The following HAVCR2 variants were observed in gnomAD, a reference collection of about 807,000 sequenced individuals.
HAVCR2 encodes the protein T cell immunoglobulin mucin 3.
HAVCR2 carries 13 observed loss-of-function variants against 24.7 expected under a neutral mutation model. The observed-to-expected ratio is 0.53, with a 90% CI of 0.34 to 0.84. The LOEUF (loss-of-function observed/expected upper bound fraction) is 0.84. HAVCR2 is among the 40% of genes least tolerant of loss of function. The probability of loss-of-function intolerance (pLI) is 0.01; values close to 1 mark genes in which losing one functional copy is unlikely to be tolerated. For synonymous variants in HAVCR2, 154 were observed against 143.4 expected, an observed-to-expected ratio of 1.07 and a Z score of -0.53; for missense variants, 343 against 371.2, an observed-to-expected ratio of 0.92 and a Z score of 0.62.
intron 5 of HAVCR2, 152 bp downstream of exon 5, chr5:157,095,154 A>C (rs1031761877): frequency 9.3e-5 from 68 of 728,828 alleles, no homozygotes; most frequent in Non-Finnish European, 1.3e-4. Context: ...TTAAATAAAA[A>C]TTAGCCATTA....
intron 4 of HAVCR2, among the ~76,000 whole-genome samples, chr5:157,098,633 G>T (rs1010955757): frequency 6.6e-6 from 1 of 152,152 alleles, no homozygotes; most frequent in Non-Finnish European, 1.5e-5. Flanking sequence ...TGGTTTTCAA[G>T]CTCTTACTAT....
chr5:157,094,055 T>C (rs1757055447), intron 5 of HAVCR2, among the ~76,000 whole-genome samples: 2 of 151,754 alleles, frequency 1.3e-5, no homozygotes, highest in South Asian at 4.2e-4. Context: ...TTTTTTTTTT[T>C]TTTGGAGACT....
chr5:157,108,509 G>T (rs1432176103), intron 1 of HAVCR2, among the ~76,000 whole-genome samples: 1 of 150,882 alleles, frequency 6.6e-6, no homozygotes, highest in African/African-American at 2.4e-5. Context: ...GAAAAAGAAA[G>T]AAAAGAAAAA....
At chr5:157,094,286 C>T (rs1052075379) in intron 5 of HAVCR2, among the ~76,000 whole-genome samples, 2 of 152,048 alleles carry the variant, frequency 1.3e-5, no homozygotes, top group African/African-American at 4.8e-5. Context: ...CTCAACTGAT[C>T]CTCTCACCTC....
rs532112392 is a variant in HAVCR2 at position 157,085,921 on chromosome 5, C to A, written c.*1181G>T. ...CAACAATAAGCAAGACAGATCAAGC[C>A]TATACCGTCTTGAAATTTAAGTTTA... On this transcript the variant is annotated 3_prime_UTR_variant, in exon 7 of 7. Transcript: ENST00000307851. The A allele has an allele frequency of 3.7e-4, 57 of 152,296 alleles. No homozygotes were observed. The highest frequency in any genetic ancestry group is 1.4e-3 in the African/African-American group (57 of 41,558). The allele number at this position is 152,296 out of a possible 1,614,324, so 9.4% of individuals were successfully genotyped here.
In HAVCR2 at chr5:157,087,230, A is replaced by G. The variant is rs1756926113; in HGVS notation, c.778T>C (p.Ser260Pro). 1 of 1,613,864 alleles carries G rather than the reference A, an allele frequency of 6.2e-7. No homozygotes were observed. The highest frequency in any genetic ancestry group is 8.5e-7 in the Non-Finnish European group (1 of 1,179,978). Residue 260 changes from serine to proline, a missense_variant, in exon 7 of 7, where the codon TCA (serine) becomes CCA (proline). Ser to Pro is a moderately conservative substitution (Grantham distance 74, BLOSUM62 -1). Transcript: ENST00000307851. ...LANAVAEGIR[S>P]EENIYTIEEN... ...TCAATGGTATAGATGTTTTCTTCTG[A>G]GCGAATTCCCTCTGCTACTGCATTT... is the stretch of plus-strand genomic sequence containing the variant.
At chr5:157,108,845 T>A (rs1411896363) in intron 1 of HAVCR2, 81 bp downstream of exon 1, 95 of 1,376,050 alleles carry the variant, frequency 6.9e-5, no homozygotes, top group Non-Finnish European at 9.3e-5. Flanking sequence ...CAAACAACAT[T>A]ACAATGGCCA....
At chr5:157,104,071 T>C (rs1301146253) in intron 3 of HAVCR2, among the ~76,000 whole-genome samples, 35 of 151,946 alleles carry the variant, frequency 2.3e-4, no homozygotes, top group Admixed American at 2.3e-3. Flanking sequence ...CTCCAGAGAG[T>C]TTAGAAGAGA....
intron 6 of HAVCR2, 102 bp from the exon 7 acceptor site, chr5:157,087,396 T>C (rs1388363381): frequency 5.5e-6 from 5 of 917,272 alleles, no homozygotes; most frequent in African/African-American, 3.4e-5. Context: ...CTAAATATAG[T>C]GCATGATCTT....
chr5:157,099,009 C>G (rs1757133027), intron 3 of HAVCR2, 108 bp from the exon 4 acceptor site: 59 of 961,814 alleles, frequency 6.1e-5, no homozygotes, highest in Non-Finnish European at 8.9e-5. Flanking sequence ...GCCTATAATC[C>G]TATTTGAAAT....
At chr5:157,090,061 G>A (rs1467705110) in intron 5 of HAVCR2, among the ~76,000 whole-genome samples, 5 of 150,700 alleles carry the variant, frequency 3.3e-5, no homozygotes, top group Non-Finnish European at 5.9e-5. Flanking sequence ...GTCTTTCAAG[G>A]TGTCTTCTGG....
chr5:157,098,406 TAA>T (rs70984442), intron 4 of HAVCR2, among the ~76,000 whole-genome samples: 35 of 138,302 alleles, frequency 2.5e-4, no homozygotes, highest in African/African-American at 8.6e-4. Context: ...AAATTCTGTC[TAA>T]AAAAAAAAAA....
rs2113697510 is a variant in HAVCR2 at position 157,108,941 on chromosome 5, G to A, written c.43C>T (p.Leu15=). The A allele has an allele frequency of 6.2e-7, 1 of 1,613,896 alleles. No homozygotes were observed. The highest frequency in any genetic ancestry group is 8.5e-7 in the Non-Finnish European group (1 of 1,179,772). Residue 15 remains leucine (L), a synonymous_variant, in exon 1 of 7, where the codon CTG becomes TTG. Coordinates refer to ENST00000307851, the MANE Select transcript of HAVCR2 (RefSeq NM_032782.5). The part of the protein sequence containing the change: ...LPFDCVLLLL[L]LLLTRSSEVE... ...CGAGACTTACTTGTAAGTAGTAGCA[G>A]CAGCAGCAGCAGGACACAGTCAAAG...
At chr5:157,108,102 T>C (rs1757278301) in intron 1 of HAVCR2, among the ~76,000 whole-genome samples, 1 of 152,000 alleles carries the variant, frequency 6.6e-6, no homozygotes, top group Non-Finnish European at 1.5e-5. Context: ...AAAACATTCA[T>C]TATATATTTT....
chr5:157,093,220 A>G lies in HAVCR2; in HGVS notation c.676+2086T>C, dbSNP rs548512350. ...CTTTTTCTGAATAATCCATTTAACC[A>G]TAATCGCAGAAACCATAAAGATGAG... On this transcript the variant is annotated intron_variant, in intron 5 of 6. Coordinates refer to ENST00000307851, the MANE Select transcript of HAVCR2 (RefSeq NM_032782.5). Among the ~76,000 whole-genome samples, 8 of 152,118 alleles carry G rather than the reference A, an allele frequency of 5.3e-5. No homozygotes were observed. In the East Asian group the frequency reaches 1.5e-3, roughly 29 times the overall value.
intron 5 of HAVCR2, among the ~76,000 whole-genome samples, chr5:157,093,619 G>T (rs541299125): frequency 6.6e-6 from 1 of 152,194 alleles, no homozygotes; most frequent in East Asian, 1.9e-4. Flanking sequence ...CTTGGTTTCT[G>T]CCCTAAAAGA....
intron 5 of HAVCR2, among the ~76,000 whole-genome samples, chr5:157,093,392 G>A (rs1049631238): frequency 1.6e-4 from 24 of 152,048 alleles, no homozygotes; most frequent in African/African-American, 5.8e-4. Context: ...TTTAATGCAC[G>A]TAAAGCACTT....
chr5:157,097,399 T>A (rs1043699597), intron 4 of HAVCR2, among the ~76,000 whole-genome samples: 3 of 151,660 alleles, frequency 2.0e-5, no homozygotes, highest in Non-Finnish European at 4.4e-5. Flanking sequence ...GAACTACAGG[T>A]TTGCAGCACC....
chr5:157,090,572 T>G (rs1426236507), intron 5 of HAVCR2, among the ~76,000 whole-genome samples: 3 of 151,942 alleles, frequency 2.0e-5, no homozygotes, highest in African/African-American at 7.2e-5. Context: ...CCAGCCTGGG[T>G]GAATCTCAAT....
Sources: gnomAD v4.1 joint callset for allele counts (sites outside exome capture counted in the v4.1 genomes callset) on GRCh38, gnomAD v4.1.1 for gene constraint, MANE v1.5 for transcripts, NCBI Gene and HGNC (gene_info 2026-07-23, HGNC 2026-07-21) for gene names.